ZNF740: variants seen among roughly 807,000 people sequenced by gnomAD.
ZNF740 encodes the protein zinc finger protein 740, also known as oriLyt TD-element-binding protein 7.
ZNF740 carries 14 observed loss-of-function variants against 24.8 expected under a neutral mutation model. The observed-to-expected ratio is 0.56, with a 90% CI of 0.37 to 0.88. The LOEUF is 0.88. Among genes scored for constraint, ZNF740 ranks in the 40% least tolerant of loss-of-function variants. The probability of loss-of-function intolerance (pLI) is 0.00; values close to 1 mark genes in which losing one functional copy is unlikely to be tolerated. For missense variants in ZNF740, 201 were observed against 247.9 expected (o/e 0.81, Z 1.27); for synonymous variants, 69 against 84.0 (o/e 0.82, Z 0.98).
intron 6 of ZNF740, 186 bp downstream of exon 6, chr12:53,186,695 GTAA>G (rs772555108): frequency 1.5e-3 from 799 of 517,164 alleles, no homozygotes; most frequent in South Asian, 2.1e-3. Context: ...TTAGAACATT[GTAA>G]TAATAATAAT....
At chr12:53,184,330 A>C (rs11170463) in intron 2 of ZNF740, among the ~76,000 whole-genome samples, 29,208 of 151,948 alleles carry the variant, frequency 0.19, 3,749 homozygotes, top group Non-Finnish European at 0.29. Context: ...CTGGGACCGC[A>C]GGTGTGTGCC....
At position 53,193,810 on chromosome 12, in the gene ZNF740, A is replaced by G. The variant is rs145211859; in HGVS notation, c.*6220A>G. ...GTCACACAGCGTGTGCAACTCCACA[A>G]TCAGCTCCTCTGAGAAGCCAAGGGC... On this transcript the variant is annotated 3_prime_UTR_variant, in exon 7 of 7. Transcript: ENST00000416904. The G allele has an allele frequency of 1.1e-4, 177 of 1,613,932 alleles. 1 individual carries two copies. Among genetic ancestry groups the G allele is most frequent in the South Asian group, 5.6e-4 (51 of 91,090 alleles).
At position 53,192,284 on chromosome 12, in the gene ZNF740, C is replaced by G. The variant is rs769770872; in HGVS notation, c.*4694C>G. 1.0e-5 allele frequency: 16 copies of G among 1,582,942 alleles called. No homozygotes were observed. Among genetic ancestry groups the G allele is most frequent in the South Asian group, 4.4e-5 (4 of 90,422 alleles). On this transcript the variant is annotated 3_prime_UTR_variant, in exon 7 of 7. Coordinates refer to ENST00000416904, the MANE Select transcript of ZNF740 (RefSeq NM_001004304.4). ...CACTCTGCATCCCCAGAGTTGAGACCCTGCCCATCAAACTTCCAGGGTTTG... is the reference window on the plus strand; with the variant it reads ...CACTCTGCATCCCCAGAGTTGAGACGCTGCCCATCAAACTTCCAGGGTTTG...
Position 53,195,127 on chromosome 12 carries a change from A to G in ZNF740, c.*7537A>G, listed in dbSNP as rs1942112096. ...TGGTGGGCGCATGAAATAAAAGCTCAGTGATTGAAACTTTCCTTTCTTGCC... is the reference window on the plus strand; with the variant it reads ...TGGTGGGCGCATGAAATAAAAGCTCGGTGATTGAAACTTTCCTTTCTTGCC... On this transcript the variant is annotated 3_prime_UTR_variant, in exon 7 of 7. Transcript: ENST00000416904. 2 of 535,456 alleles carry G rather than the reference A, an allele frequency of 3.7e-6. No individual in the cohort carries two copies. Among genetic ancestry groups the G allele is most frequent in the South Asian group, 2.4e-5 (1 of 41,778 alleles). 33.2% of individuals were successfully genotyped at this position (535,456 alleles called of 1,614,324 possible). A position where few individuals can be genotyped will look rare whatever the true frequency, so the allele number is the denominator to read the frequency against.
rs1426524171 is a variant in ZNF740 at position 53,193,358 on chromosome 12, G to A, written c.*5768G>A. On this transcript the variant is annotated 3_prime_UTR_variant, in exon 7 of 7. Coordinates refer to ENST00000416904, the MANE Select transcript of ZNF740 (RefSeq NM_001004304.4). ...ACAGAGCCGACCTAGGCGGCCAGGGGCACAGCTGGAAGGGGAAGGCAAAGG... is the reference window on the plus strand; with the variant it reads ...ACAGAGCCGACCTAGGCGGCCAGGGACACAGCTGGAAGGGGAAGGCAAAGG... 6.3e-7 allele frequency: 1 copy of A among 1,578,774 alleles called. No homozygotes were observed. Among genetic ancestry groups the A allele is most frequent in the East Asian group, 2.3e-5 (1 of 44,256 alleles).
At position 53,191,277 on chromosome 12, in the gene ZNF740, C is replaced by A; in HGVS notation, c.*3687C>A. 2 of 447,672 alleles carry A rather than the reference C, an allele frequency of 4.5e-6. No individual in the cohort carries two copies. Among genetic ancestry groups the A allele is most frequent in the South Asian group, 4.4e-5 (2 of 45,880 alleles). The allele number at this position is 447,672 out of a possible 1,614,324, so 27.7% of individuals were successfully genotyped here. On this transcript the variant is annotated 3_prime_UTR_variant, in exon 7 of 7. Coordinates refer to ENST00000416904, the MANE Select transcript of ZNF740 (RefSeq NM_001004304.4). ...GCTTTCCCGAGGCCCAGGCTATAAA[C>A]AGTCTGCTTTGGCCTTGATGAGGTA...
intron 3 of ZNF740, 117 bp downstream of exon 3, chr12:53,185,157 C>A: frequency 6.8e-7 from 1 of 1,481,342 alleles, no homozygotes; most frequent in South Asian, 1.3e-5. Flanking sequence ...GCAAGGGGAT[C>A]CAACTGGGGA....
At position 53,187,644 on chromosome 12, in the gene ZNF740, A is replaced by G. The variant is rs1332115805; in HGVS notation, c.*54A>G. The stretch of plus-strand genomic sequence containing the variant: ...ATCAGAAGAACCTGCCGAAGAGCAC[A>G]CCCCCTCTGGTCTGATGGTCCCACC... On this transcript the variant is annotated 3_prime_UTR_variant, in exon 7 of 7. Transcript: ENST00000416904. 1.4e-6 allele frequency: 2 copies of G among 1,442,062 alleles called. No homozygotes were observed. The highest frequency in any genetic ancestry group is 2.8e-5 in the African/African-American group (2 of 71,452). 89.3% of individuals were successfully genotyped at this position (1,442,062 alleles called of 1,614,324 possible).
chr12:53,191,050 G>A lies in ZNF740; in HGVS notation c.*3460G>A, dbSNP rs989252580. On this transcript the variant is annotated 3_prime_UTR_variant, in exon 7 of 7. Coordinates refer to ENST00000416904, the MANE Select transcript of ZNF740 (RefSeq NM_001004304.4). The stretch of plus-strand genomic sequence containing the variant: ...TTCTGAGCAAGACGAAAAAGCACAC[G>A]CAGCAGGACGGAAGGAGGCTAGACA... 1.7e-5 allele frequency: 3 copies of A among 177,580 alleles called. No homozygotes were observed. The highest frequency in any genetic ancestry group is 1.1e-4 in the Admixed American group (2 of 18,666). 11.0% of individuals were successfully genotyped at this position (177,580 alleles called of 1,614,324 possible). A position where few individuals can be genotyped will look rare whatever the true frequency, so the allele number is the denominator to read the frequency against.
In ZNF740 at chr12:53,186,386, G is replaced by A. The variant is rs114109914; in HGVS notation, c.374-5G>A. ...CACATTCACTTCTCTGTCCACCTGG[G>A]CCAGGTGAGAAGCCATTTGAATGCG... is the stretch of plus-strand genomic sequence containing the variant. On this transcript the variant is annotated splice_polypyrimidine_tract_variant and splice_region_variant and intron_variant, in intron 5 of 6. Transcript: ENST00000416904. The A allele has an allele frequency of 3.8e-4, 596 of 1,565,664 alleles. 1 individual carries two copies. In the African/African-American group the frequency reaches 7.3e-3, roughly 19 times the overall value.
intron 5 of ZNF740, 123 bp downstream of exon 5, chr12:53,186,200 G>T (rs1941817599): frequency 3.9e-5 from 53 of 1,346,524 alleles, no homozygotes; most frequent in Non-Finnish European, 5.3e-5. Context: ...AAGAAGATAA[G>T]TCAATGAAGC....
In ZNF740 at chr12:53,190,103, G is replaced by C. The variant is rs933361834; in HGVS notation, c.*2513G>C. On this transcript the variant is annotated 3_prime_UTR_variant, in exon 7 of 7. Coordinates refer to ENST00000416904, the MANE Select transcript of ZNF740 (RefSeq NM_001004304.4). ...GCCACCCCTGCCAAGGACCCAGTGAGGGAAACTCAGGAGCAGGTGGTTGGT... is the reference window on the plus strand; with the variant it reads ...GCCACCCCTGCCAAGGACCCAGTGACGGAAACTCAGGAGCAGGTGGTTGGT... 8 of 152,352 alleles carry C rather than the reference G, an allele frequency of 5.3e-5. No homozygotes were observed. Among genetic ancestry groups the C allele is most frequent in the Non-Finnish European group, 7.3e-5 (5 of 68,154 alleles). 9.4% of individuals were successfully genotyped at this position (152,352 alleles called of 1,614,324 possible).
chr12:53,182,952 G>C (rs766446509), intron 2 of ZNF740, among the ~76,000 whole-genome samples: 12 of 152,230 alleles, frequency 7.9e-5, no homozygotes, highest in Non-Finnish European at 1.3e-4. Flanking sequence ...AGTCATCTGA[G>C]TAGAATAGCT....
At chr12:53,181,483 T>C in intron 1 of ZNF740, 194 bp from the exon 2 acceptor site, 1 of 985,390 alleles carries the variant, frequency 1.0e-6, no homozygotes, top group Non-Finnish European at 1.2e-6. Context: ...CCAATTACTT[T>C]TGCTCCTGTT....
At position 53,193,923 on chromosome 12, in the gene ZNF740, G is replaced by A. The variant is rs770201442; in HGVS notation, c.*6333G>A. On this transcript the variant is annotated 3_prime_UTR_variant, in exon 7 of 7. Coordinates refer to ENST00000416904, the MANE Select transcript of ZNF740 (RefSeq NM_001004304.4). Reference sequence around the variant, plus strand: ...TCACCTGAGAAGAGGCAGGAATCAGGCCATGGTTATACACATGCACACACA... The same window carrying A: ...TCACCTGAGAAGAGGCAGGAATCAGACCATGGTTATACACATGCACACACA... The A allele has an allele frequency of 1.2e-5, 19 of 1,601,176 alleles. No homozygotes were observed. Among genetic ancestry groups the A allele is most frequent in the Non-Finnish European group, 2.6e-6 (3 of 1,172,668 alleles).
At position 53,181,873 on chromosome 12, in the gene ZNF740, G is replaced by A. The variant is rs536796483; in HGVS notation, c.-111G>A. On this transcript the variant is annotated 5_prime_UTR_variant, in exon 2 of 7. Coordinates refer to ENST00000416904, the MANE Select transcript of ZNF740 (RefSeq NM_001004304.4). The stretch of plus-strand genomic sequence containing the variant: ...TATGGCAACAGGACTGATGGGACAC[G>A]AAGGAGTCGCTACCGTGATTTGGTG... The A allele has an allele frequency of 1.4e-6, 2 of 1,392,454 alleles. No individual in the cohort carries two copies. Among genetic ancestry groups the A allele is most frequent in the East Asian group, 2.5e-5 (1 of 40,422 alleles). 86.3% of individuals were successfully genotyped at this position (1,392,454 alleles called of 1,614,324 possible). A position where few individuals can be genotyped will look rare whatever the true frequency, so the allele number is the denominator to read the frequency against.
Position 53,192,082 on chromosome 12 carries a change from TCA to T in ZNF740, c.*4495_*4496del, listed in dbSNP as rs1941975155. 2 of 1,556,950 alleles carry T rather than the reference TCA, an allele frequency of 1.3e-6. No individual in the cohort carries two copies. Among genetic ancestry groups the T allele is most frequent in the African/African-American group, 1.4e-5 (1 of 73,546 alleles). ...AGCATAGGGACAGATCATCAGTTGCTCACAGTGTGTCCAGCCTGTCCAACCCT... is the reference window on the plus strand; with the variant it reads ...AGCATAGGGACAGATCATCAGTTGCTCAGTGTGTCCAGCCTGTCCAACCCT... On this transcript the variant is annotated 3_prime_UTR_variant, in exon 7 of 7. Coordinates refer to ENST00000416904, the MANE Select transcript of ZNF740 (RefSeq NM_001004304.4).
Position 53,181,873 on chromosome 12 carries a change from G to C in ZNF740, c.-111G>C. On this transcript the variant is annotated 5_prime_UTR_variant, in exon 2 of 7. Transcript: ENST00000416904. ...TATGGCAACAGGACTGATGGGACAC[G>C]AAGGAGTCGCTACCGTGATTTGGTG... 1.4e-6 allele frequency: 2 copies of C among 1,392,454 alleles called. No individual in the cohort carries two copies. The highest frequency in any genetic ancestry group is 2.0e-6 in the Non-Finnish European group (2 of 1,005,618). 86.3% of individuals were successfully genotyped at this position (1,392,454 alleles called of 1,614,324 possible). A position where few individuals can be genotyped will look rare whatever the true frequency, so the allele number is the denominator to read the frequency against.
At position 53,193,606 on chromosome 12, in the gene ZNF740, G is replaced by T; in HGVS notation, c.*6016G>T. The T allele has an allele frequency of 9.4e-7, 1 of 1,060,782 alleles. No individual in the cohort carries two copies. Among genetic ancestry groups the T allele is most frequent in the Non-Finnish European group, 1.4e-6 (1 of 739,112 alleles). 65.7% of individuals were successfully genotyped at this position (1,060,782 alleles called of 1,614,324 possible). ...AAACTGAGTGGGGAGTCGGGATGTC[G>T]AGGAGACTCCTGTGGGGGGGATGGA... is the stretch of plus-strand genomic sequence containing the variant. On this transcript the variant is annotated 3_prime_UTR_variant, in exon 7 of 7. Transcript: ENST00000416904.
Sources: gnomAD v4.1 joint callset for allele counts (sites outside exome capture counted in the v4.1 genomes callset) on GRCh38, gnomAD v4.1.1 for gene constraint, MANE v1.5 for transcripts, NCBI Gene and HGNC (gene_info 2026-07-23, HGNC 2026-07-21) for gene names.